Variants in ENOX1 observed in about 807,000 individuals in gnomAD.
The protein encoded by ENOX1 is candidate growth-related and time keeping constitutive hydroquinone (NADH) oxidase.
A neutral mutation model predicts 82.5 loss-of-function variants in ENOX1; 42 were observed. That is an observed-to-expected ratio of 0.51 (90% CI 0.40 to 0.66). ENOX1 has a LOEUF of 0.66. ENOX1 is among the 30% of genes least tolerant of loss of function. The probability of loss-of-function intolerance (pLI) is 0.00; values close to 1 mark genes in which losing one functional copy is unlikely to be tolerated. For synonymous variants in ENOX1, 271 were observed against 282.2 expected (o/e 0.96, Z 0.40); for missense variants, 608 against 811.6 (o/e 0.75, Z 3.05).
At chr13:43,319,000 G>C (rs1434689944) in intron 11 of ENOX1, among the ~76,000 whole-genome samples, 1 of 152,016 alleles carries the variant, frequency 6.6e-6, no homozygotes, top group African/African-American at 2.4e-5. Flanking sequence ...AGTGGAAAAG[G>C]GTAAGGGAGA....
intron 3 of ENOX1, among the ~76,000 whole-genome samples, chr13:43,470,484 T>C (rs1345722557): frequency 6.8e-6 from 1 of 147,158 alleles, no homozygotes; most frequent in Non-Finnish European, 1.5e-5. Context: ...AAGAAAGCCC[T>C]GATAAATTAG....
chr13:43,726,739 TGTGTGTGTGTGTGTGA>T (rs1301824739), intron 1 of ENOX1, among the ~76,000 whole-genome samples: 1 of 131,920 alleles, frequency 7.6e-6, no homozygotes, highest in African/African-American at 3.1e-5. Flanking sequence ...TGTGTGTGTG[TGTGTGTGTGTGTGTGA>T]GAGAGAGACA....
At chr13:43,591,007 T>G (rs868225579) in intron 2 of ENOX1, among the ~76,000 whole-genome samples, 5 of 152,294 alleles carry the variant, frequency 3.3e-5, no homozygotes, top group Admixed American at 6.5e-5. Flanking sequence ...TTTCCAAATG[T>G]TGACAAGAGC....
chr13:43,444,835 T>A (rs2056539621), intron 3 of ENOX1, among the ~76,000 whole-genome samples: 1 of 152,186 alleles, frequency 6.6e-6, no homozygotes, highest in Non-Finnish European at 1.5e-5. Context: ...ATTCTCTGTA[T>A]AAAAGAAGAT....
At chr13:43,453,834 T>C (rs939238657) in intron 3 of ENOX1, among the ~76,000 whole-genome samples, 2 of 152,140 alleles carry the variant, frequency 1.3e-5, no homozygotes, top group Non-Finnish European at 2.9e-5. Flanking sequence ...AAGGAACAGA[T>C]AAAGGAAAAT....
intron 2 of ENOX1, among the ~76,000 whole-genome samples, chr13:43,627,901 A>C (rs1201227273): frequency 6.6e-6 from 1 of 152,002 alleles, no homozygotes; most frequent in Non-Finnish European, 1.5e-5. Flanking sequence ...ATGAGTTGAT[A>C]ATTTTTCTTT....
intron 1 of ENOX1, among the ~76,000 whole-genome samples, chr13:43,727,933 T>C (rs1352222199): frequency 2.0e-5 from 3 of 152,166 alleles, no homozygotes; most frequent in African/African-American, 7.2e-5. Context: ...TGAGAATTCA[T>C]AACAAGAAAT....
intron 1 of ENOX1, among the ~76,000 whole-genome samples, chr13:43,728,983 T>G (rs547895273): frequency 1.3e-5 from 2 of 152,240 alleles, no homozygotes; most frequent in African/African-American, 4.8e-5. Flanking sequence ...GCTAAGCTTC[T>G]GATGTGTTCT....
At chr13:43,384,330 C>T (rs1453048435) in intron 5 of ENOX1, among the ~76,000 whole-genome samples, 4 of 152,166 alleles carry the variant, frequency 2.6e-5, no homozygotes, top group African/African-American at 4.8e-5. Flanking sequence ...CTTCCTCTAA[C>T]AATGCAGCAA....
At chr13:43,526,991 C>T (rs2078015584) in intron 2 of ENOX1, among the ~76,000 whole-genome samples, 1 of 152,006 alleles carries the variant, frequency 6.6e-6, no homozygotes, top group South Asian at 2.1e-4. Context: ...AGAAACAATG[C>T]ACTCTATTGG....
At chr13:43,306,234 C>A (rs2046851263) in intron 11 of ENOX1, among the ~76,000 whole-genome samples, 1 of 152,192 alleles carries the variant, frequency 6.6e-6, no homozygotes, top group Admixed American at 6.5e-5. Context: ...TCGGCGATCT[C>A]CAGGAGGATG....
At chr13:43,520,175 T>G (rs150495290) in intron 2 of ENOX1, among the ~76,000 whole-genome samples, 1 of 152,170 alleles carries the variant, frequency 6.6e-6, no homozygotes, top group Non-Finnish European at 1.5e-5. Context: ...ACTTCCTCAT[T>G]ACTGCATAGC....
intron 3 of ENOX1, among the ~76,000 whole-genome samples, chr13:43,478,945 G>GGGGGAGAAATTCCCCAAGCCTTTC (rs1555293806): frequency 3.3e-5 from 2 of 60,884 alleles, no homozygotes; most frequent in Non-Finnish European, 8.9e-5. Flanking sequence ...GAGCCATTTC[G>GGGGGAGAAATTCCCCAAGCCTTTC]GGGGAGAAAT....
At chr13:43,710,615 GTGA>G (rs1408543041) in intron 1 of ENOX1, among the ~76,000 whole-genome samples, 4 of 152,092 alleles carry the variant, frequency 2.6e-5, no homozygotes, top group African/African-American at 9.7e-5. Flanking sequence ...AGAGAAAAAA[GTGA>G]TGAACATAAA....
At chr13:43,445,252 T>C (rs886964796) in intron 3 of ENOX1, among the ~76,000 whole-genome samples, 2 of 151,352 alleles carry the variant, frequency 1.3e-5, no homozygotes, top group Non-Finnish European at 2.9e-5. Context: ...GCCTCCCAAG[T>C]AGCTGGGACT....
chr13:43,751,528 C>T (rs1255978311), intron 1 of ENOX1, among the ~76,000 whole-genome samples: 1 of 148,174 alleles, frequency 6.7e-6, no homozygotes, highest in African/African-American at 2.7e-5. Context: ...TGTCAACTCT[C>T]TCTGTCACTC....
chr13:43,237,723 C>CA (rs1398627394), intron 14 of ENOX1, among the ~76,000 whole-genome samples: 1 of 152,156 alleles, frequency 6.6e-6, no homozygotes, highest in Non-Finnish European at 1.5e-5. Flanking sequence ...TACAAAGTAA[C>CA]AAAACTGGTC....
chr13:43,263,366 G>A (rs2044188167), intron 14 of ENOX1, among the ~76,000 whole-genome samples: 1 of 152,120 alleles, frequency 6.6e-6, no homozygotes. Flanking sequence ...TTCCTACTGA[G>A]CCAGAACCCC....
intron 11 of ENOX1, among the ~76,000 whole-genome samples, chr13:43,316,431 T>C (rs778637919): frequency 2.0e-5 from 3 of 152,298 alleles, no homozygotes; most frequent in East Asian, 1.9e-4. Flanking sequence ...TCAAGAATCA[T>C]GGCATTGATA....
Sources: allele counts gnomAD v4.1 joint callset (sites outside exome capture counted in the v4.1 genomes callset), GRCh38; gene constraint gnomAD v4.1.1; transcripts MANE v1.5; gene names NCBI Gene and HGNC (gene_info 2026-07-23, HGNC 2026-07-21).